Variants in RYR2 observed in about 807,000 individuals in gnomAD.
The protein encoded by RYR2 is cardiac muscle ryanodine receptor-calcium release channel.
RYR2 carries 227 observed loss-of-function variants against 601.1 expected under a neutral mutation model. That is an observed-to-expected ratio of 0.38 (90% CI 0.34 to 0.42). The LOEUF is 0.42. Ranked by LOEUF, RYR2 falls within the 10% of genes least tolerant of loss-of-function variation. The probability of loss-of-function intolerance (pLI) is 1.00; values close to 1 mark genes in which losing one functional copy is unlikely to be tolerated. For missense variants in RYR2, 4,646 were observed against 6,156.5 expected, an observed-to-expected ratio of 0.75 and a Z score of 8.21; for synonymous variants, 2,223 against 2,175.1, an observed-to-expected ratio of 1.02 and a Z score of -0.61.
intron 12 of RYR2, among the ~76,000 whole-genome samples, chr1:237,434,177 A>G (rs371315614): frequency 6.6e-6 from 1 of 152,308 alleles, no homozygotes; most frequent in South Asian, 2.1e-4. Flanking sequence ...TAAATCATTA[A>G]GATCATTTTA....
chr1:237,599,467 C>T (rs1676252814), intron 34 of RYR2, among the ~76,000 whole-genome samples: 1 of 150,458 alleles, frequency 6.6e-6, no homozygotes, highest in Admixed American at 6.6e-5. Context: ...TTTCTTTGCA[C>T]TAGTAGTGAA....
At chr1:237,489,276 A>G (rs1572557904) in intron 17 of RYR2, among the ~76,000 whole-genome samples, 1 of 152,192 alleles carries the variant, frequency 6.6e-6, no homozygotes, top group Non-Finnish European at 1.5e-5. Flanking sequence ...TATGAAAAAT[A>G]GTCTACCCAC....
intron 2 of RYR2, among the ~76,000 whole-genome samples, chr1:237,300,073 A>C (rs1221051849): frequency 6.6e-6 from 1 of 152,196 alleles, no homozygotes; most frequent in African/African-American, 2.4e-5. Context: ...TTGAGGCCCG[A>C]GTTTTCACTC....
At chr1:237,469,062 T>G (rs1400716466) in intron 16 of RYR2, 30 bp from the exon 17 acceptor site, 1 of 1,586,332 alleles carries the variant, frequency 6.3e-7, no homozygotes, top group East Asian at 2.2e-5. Flanking sequence ...GAAAATCACA[T>G]AAAGGTGAAA....
chr1:237,501,343 G>A (rs1013758484), intron 21 of RYR2, among the ~76,000 whole-genome samples: 1 of 151,774 alleles, frequency 6.6e-6, no homozygotes, highest in African/African-American at 2.4e-5. Flanking sequence ...TTTTGTTGAT[G>A]AGGCCCAGAT....
At chr1:237,580,967 G>C (rs891627682) in intron 29 of RYR2, among the ~76,000 whole-genome samples, 2 of 152,170 alleles carry the variant, frequency 1.3e-5, no homozygotes, top group Admixed American at 1.3e-4. Flanking sequence ...TGTGGTTTAA[G>C]TCACTCAGTC....
intron 12 of RYR2, among the ~76,000 whole-genome samples, chr1:237,426,157 A>C (rs936239799): frequency 5.5e-4 from 83 of 152,260 alleles, no homozygotes; most frequent in African/African-American, 1.9e-3. Flanking sequence ...GAACATTCCC[A>C]ATGCCTTTCT....
intron 98 of RYR2, among the ~76,000 whole-genome samples, chr1:237,803,311 C>CTTTT (rs10637217): frequency 0.31 from 46,059 of 147,592 alleles, 7,610 homozygotes; most frequent in African/African-American, 0.41. Context: ...TTGCATTTTT[C>CTTTT]TTTTTTTTTT....
Position 237,709,550 on chromosome 1 carries a change from T to C in RYR2, c.10213T>C (p.Tyr3405His). Residue 3405 changes from tyrosine (Y) to histidine (H), a missense_variant, in exon 70 of 105, where the codon TAC becomes CAC. Tyr to His is a moderately conservative substitution (Grantham distance 83). Transcript: ENST00000366574. ...LFRMVAEVFIYWSKSHNFKRE... is the reference protein window; with the variant it reads ...LFRMVAEVFIHWSKSHNFKRE... ...CCGCATGGTGGCTGAAGTGTTTATC[T>C]ACTGGTCGAAGTCCCATGTGAGTGT... 1.9e-6 allele frequency: 3 copies of C among 1,609,332 alleles called. No individual in the cohort carries two copies. Among genetic ancestry groups the C allele is most frequent in the Non-Finnish European group, 2.5e-6 (3 of 1,177,262 alleles).
intron 100 of RYR2, among the ~76,000 whole-genome samples, chr1:237,811,399 A>C (rs2819776): frequency 0.19 from 29,451 of 152,214 alleles, 3,344 homozygotes; most frequent in East Asian, 0.51. Flanking sequence ...AATGATCATT[A>C]ATATAGAATT....
At chr1:237,685,635 T>A (rs1686317522) in intron 62 of RYR2, among the ~76,000 whole-genome samples, 1 of 152,204 alleles carries the variant, frequency 6.6e-6, no homozygotes, top group Admixed American at 6.5e-5. Context: ...AATTCTAAAC[T>A]GAATTATTCT....
rs1435639593 is a variant in RYR2, at chr1:237,400,644, C to A, written c.773+12461C>A. Among the ~76,000 whole-genome samples the A allele has an allele frequency of 3.9e-5, 6 of 152,150 alleles. No homozygotes were observed. The East Asian group carries it at 1.2e-3, about 29-fold the overall frequency. On this transcript the variant is annotated intron_variant, in intron 10 of 104. Coordinates refer to ENST00000366574, the MANE Select transcript of RYR2 (RefSeq NM_001035.3). The stretch of plus-strand genomic sequence containing the variant: ...AAAGATAATTTTTAAATGTTATATT[C>A]ATAATAATAGTAGACATTATTTATA...
At position 237,706,959 on chromosome 1, in the gene RYR2, G is replaced by C. The variant is rs1558258603; in HGVS notation, c.9591G>C (p.Leu3197Phe). 1 of 1,611,296 alleles carries C rather than the reference G, an allele frequency of 6.2e-7. No individual in the cohort carries two copies. The highest frequency in any genetic ancestry group is 8.5e-7 in the Non-Finnish European group (1 of 1,177,538). The change falls in exon 68 of 105, where the codon TTG (leucine) becomes TTC (phenylalanine). Residue 3197 changes from leucine to phenylalanine, a missense_variant. This residue lies in a region of RYR2 where 1,497 missense variants were observed against 1,842.6 expected (regional missense o/e 0.81). Coordinates refer to ENST00000366574, the MANE Select transcript of RYR2 (RefSeq NM_001035.3). ...TATGTACTTCTCCAGCTCTCAGTTTGCCAACTAATGTGGAAGATGTTTGTC... is the reference window on the plus strand; with the variant it reads ...TATGTACTTCTCCAGCTCTCAGTTTCCCAACTAATGTGGAAGATGTTTGTC... ...KSSRERAALS[L>F]PTNVEDVCPN...
intron 24 of RYR2, 52 bp downstream of exon 24, chr1:237,511,843 A>C (rs1421302314): frequency 4.2e-6 from 4 of 949,388 alleles, no homozygotes; most frequent in Admixed American, 6.5e-5. Flanking sequence ...TGAAAAAAAA[A>C]AAAAAAAAAA....
intron 6 of RYR2, among the ~76,000 whole-genome samples, chr1:237,374,233 TA>T (rs373688175): frequency 1.3e-5 from 2 of 151,924 alleles, no homozygotes; most frequent in African/African-American, 4.8e-5. Context: ...CTATAAACCT[TA>T]ACGATGGCTG....
At position 237,269,394 on chromosome 1, in the gene RYR2, G is replaced by A. The variant is rs185697881; in HGVS notation, c.49-1103G>A. Among the ~76,000 whole-genome samples the A allele has an allele frequency of 2.7e-3, 411 of 151,842 alleles. 5 individuals are homozygous for A. The highest frequency in any genetic ancestry group is 0.023 in the South Asian group (111 of 4,808). On this transcript the variant is annotated intron_variant, in intron 1 of 104. Transcript: ENST00000366574. Reference sequence around the variant, plus strand: ...AAAATAAAAAAAAAAACAACTTGCCGTCTGCTTTTGAGTCTTTATTCCCAT... The same window carrying A: ...AAAATAAAAAAAAAAACAACTTGCCATCTGCTTTTGAGTCTTTATTCCCAT...
At chr1:237,687,412 C>T (rs1686518191) in intron 62 of RYR2, 43 bp from the exon 63 acceptor site, 4 of 836,826 alleles carry the variant, frequency 4.8e-6, no homozygotes, top group Non-Finnish European at 7.3e-6. Flanking sequence ...TCTACCTTCC[C>T]TTCCCCCTTC....
intron 10 of RYR2, among the ~76,000 whole-genome samples, chr1:237,414,603 A>G (rs565433996): frequency 3.8e-4 from 58 of 152,372 alleles, no homozygotes; most frequent in African/African-American, 1.3e-3. Flanking sequence ...TTCAATACAT[A>G]CACACAGTAT....
chr1:237,521,771 C>T (rs1667111804), intron 24 of RYR2, among the ~76,000 whole-genome samples: 1 of 151,698 alleles, frequency 6.6e-6, no homozygotes, highest in Non-Finnish European at 1.5e-5. Flanking sequence ...CCATTAATGG[C>T]TTTTCATTGC....
Sources: allele counts gnomAD v4.1 joint callset (sites outside exome capture counted in the v4.1 genomes callset), GRCh38; gene constraint gnomAD v4.1.1; regional missense constraint gnomAD v4.1.1; transcripts MANE v1.5; gene names NCBI Gene and HGNC (gene_info 2026-07-23, HGNC 2026-07-21).